HS6ST3: variants seen among roughly 807,000 people sequenced by gnomAD.
HS6ST3 encodes the protein heparan-sulfate 6-O-sulfotransferase 3.
A neutral mutation model predicts 36.7 loss-of-function variants in HS6ST3; 12 were observed. The observed-to-expected ratio is 0.33, with a 90% CI of 0.21 to 0.53. HS6ST3 has a LOEUF of 0.53. Among genes scored for constraint, HS6ST3 ranks in the 20% least tolerant of loss-of-function variants. The pLI is 0.95. For missense variants in HS6ST3, 584 were observed against 640.9 expected (o/e 0.91, Z 0.96); for synonymous variants, 240 against 257.5 (o/e 0.93, Z 0.65).
intron 1 of HS6ST3, among the ~76,000 whole-genome samples, chr13:96,113,836 A>T (rs367573256): frequency 2.0e-5 from 3 of 152,214 alleles, no homozygotes; most frequent in Non-Finnish European, 4.4e-5. Flanking sequence ...TATTCATTTT[A>T]CCATTATTTA....
At chr13:96,184,639 G>A (rs2054257190) in intron 1 of HS6ST3, among the ~76,000 whole-genome samples, 1 of 151,760 alleles carries the variant, frequency 6.6e-6, no homozygotes, top group African/African-American at 2.4e-5. Flanking sequence ...CCTCCATATT[G>A]CACTAGACAG....
At position 96,839,493 on chromosome 13, in the gene HS6ST3, A is replaced by T. The variant is rs929159765; in HGVS notation, c.*6295A>T. ...AAAATGATAGTTTGTAGAACTGAAG[A>T]TTTCCATTGATGTGAAGCACAATTT... On this transcript the variant is annotated 3_prime_UTR_variant, in exon 2 of 2. Coordinates refer to ENST00000376705, the MANE Select transcript of HS6ST3 (RefSeq NM_153456.4). 3.9e-5 allele frequency: 6 copies of T among 152,238 alleles called. No individual in the cohort carries two copies. Among genetic ancestry groups the T allele is most frequent in the Admixed American group, 3.9e-4 (6 of 15,272 alleles). 9.4% of individuals were successfully genotyped at this position (152,238 alleles called of 1,614,324 possible).
chr13:96,515,821 A>G (rs2056070072), intron 1 of HS6ST3, among the ~76,000 whole-genome samples: 1 of 152,132 alleles, frequency 6.6e-6, no homozygotes, highest in South Asian at 2.1e-4. Flanking sequence ...CTTTCTTTAT[A>G]AATTACCCAG....
At chr13:96,310,632 C>T (rs1451630529) in intron 1 of HS6ST3, among the ~76,000 whole-genome samples, 6 of 146,908 alleles carry the variant, frequency 4.1e-5, no homozygotes, top group African/African-American at 1.5e-4. Context: ...TATCTCCCTC[C>T]CTCCCTCCTT....
rs376134797 is a variant in HS6ST3, at chr13:96,217,291, G to T, written c.707+125722G>T. Among the ~76,000 whole-genome samples the T allele has an allele frequency of 1.6e-4, 25 of 152,244 alleles. No homozygotes were observed. In the South Asian group the frequency reaches 4.2e-3, roughly 25 times the overall value. ...AATTCTTCCCCAACTTGAAGAGAGGGTTTATTTTTCTCATTTAATGGATGA... is the reference window on the plus strand; with the variant it reads ...AATTCTTCCCCAACTTGAAGAGAGGTTTTATTTTTCTCATTTAATGGATGA... On this transcript the variant is annotated intron_variant, in intron 1 of 1. Transcript: ENST00000376705.
intron 1 of HS6ST3, among the ~76,000 whole-genome samples, chr13:96,333,930 T>C (rs1017194814): frequency 6.6e-6 from 1 of 151,932 alleles, no homozygotes; most frequent in Non-Finnish European, 1.5e-5. Flanking sequence ...ATTAGGGAAG[T>C]TTTGATGGTT....
intron 1 of HS6ST3, among the ~76,000 whole-genome samples, chr13:96,365,963 T>G (rs1018343035): frequency 1.4e-4 from 21 of 152,174 alleles, no homozygotes; most frequent in African/African-American, 4.8e-4. Context: ...CTTGTTGTCA[T>G]ATTAAATGAC....
At chr13:96,491,919 T>A (rs536067608) in intron 1 of HS6ST3, among the ~76,000 whole-genome samples, 1 of 152,282 alleles carries the variant, frequency 6.6e-6, no homozygotes, top group African/African-American at 2.4e-5. Context: ...TGGAGATAGA[T>A]CTAGTCTCAA....
chr13:96,511,929 G>A (rs1264429654), intron 1 of HS6ST3, among the ~76,000 whole-genome samples: 1 of 152,102 alleles, frequency 6.6e-6, no homozygotes, highest in Non-Finnish European at 1.5e-5. Flanking sequence ...TCCAGATAAT[G>A]AGCCAATTTC....
At chr13:96,421,209 CA>C (rs1391222684) in intron 1 of HS6ST3, among the ~76,000 whole-genome samples, 1 of 152,054 alleles carries the variant, frequency 6.6e-6, no homozygotes, top group East Asian at 1.9e-4. Context: ...GGCTGTTGCA[CA>C]AAAAGTCCCT....
intron 1 of HS6ST3, among the ~76,000 whole-genome samples, chr13:96,774,609 A>C (rs1047390826): frequency 6.6e-6 from 1 of 152,196 alleles, no homozygotes; most frequent in Non-Finnish European, 1.5e-5. Flanking sequence ...TAATGAAATC[A>C]AGCATGAAGA....
chr13:96,717,641 T>C (rs547332367), intron 1 of HS6ST3, among the ~76,000 whole-genome samples: 1 of 152,330 alleles, frequency 6.6e-6, no homozygotes, highest in South Asian at 2.1e-4. Flanking sequence ...TATTTAATTT[T>C]ATTTATTCCT....
rs1044020630 is a variant in HS6ST3, at chr13:96,597,348, A to T, written c.708-235142A>T. Among the ~76,000 whole-genome samples, 21 of 151,994 alleles carry T rather than the reference A, an allele frequency of 1.4e-4. 1 individual carries two copies. Among genetic ancestry groups the T allele is most frequent in the African/African-American group, 4.8e-4 (20 of 41,456 alleles). On this transcript the variant is annotated intron_variant, in intron 1 of 1. Coordinates refer to ENST00000376705, the MANE Select transcript of HS6ST3 (RefSeq NM_153456.4). Reference sequence around the variant, plus strand: ...ACCCCTGAACTTAAAATAAAAGTTAAAGAAAAAAAAAAAAAGGTCATTCTG... The same window carrying T: ...ACCCCTGAACTTAAAATAAAAGTTATAGAAAAAAAAAAAAAGGTCATTCTG...
At chr13:96,220,609 A>G (rs949787780) in intron 1 of HS6ST3, among the ~76,000 whole-genome samples, 1 of 152,184 alleles carries the variant, frequency 6.6e-6, no homozygotes, top group African/African-American at 2.4e-5. Flanking sequence ...AAAATTTAAG[A>G]AACTTTGTTT....
At chr13:96,626,723 T>A (rs2056513690) in intron 1 of HS6ST3, among the ~76,000 whole-genome samples, 1 of 152,150 alleles carries the variant, frequency 6.6e-6, no homozygotes, top group African/African-American at 2.4e-5. Context: ...TTTTTGTTTT[T>A]TTGTAGACTT....
intron 1 of HS6ST3, among the ~76,000 whole-genome samples, chr13:96,158,363 GGAGA>G (rs1331341055): frequency 1.2e-4 from 18 of 152,188 alleles, no homozygotes; most frequent in African/African-American, 4.3e-4. Context: ...AAGGTATGTA[GGAGA>G]GAGAAAGTAG....
intron 1 of HS6ST3, among the ~76,000 whole-genome samples, chr13:96,296,195 A>G (rs1461450840): frequency 6.6e-6 from 1 of 152,190 alleles, no homozygotes; most frequent in Non-Finnish European, 1.5e-5. Flanking sequence ...TCTACTGGAC[A>G]GCACTGTCCT....
chr13:96,600,355 CACACAT>C (rs2056417052), intron 1 of HS6ST3, among the ~76,000 whole-genome samples: 1 of 151,454 alleles, frequency 6.6e-6, no homozygotes, highest in South Asian at 2.1e-4. Flanking sequence ...CACACACACA[CACACAT>C]ATATATATAT....
chr13:96,415,499 G>C (rs1282561038), intron 1 of HS6ST3, among the ~76,000 whole-genome samples: 1 of 152,148 alleles, frequency 6.6e-6, no homozygotes. Context: ...CATTTTGAAC[G>C]CTGTTTGTGC....
Sources: gnomAD v4.1 joint callset for allele counts (sites outside exome capture counted in the v4.1 genomes callset) on GRCh38, gnomAD v4.1.1 for gene constraint, MANE v1.5 for transcripts, NCBI Gene and HGNC (gene_info 2026-07-23, HGNC 2026-07-21) for gene names.